The following MAPK10 variants were observed in gnomAD, a reference collection of about 807,000 sequenced individuals.
The protein encoded by MAPK10 is JNK3 alpha protein kinase.
In MAPK10, 25 loss-of-function variants were observed where a neutral mutation model predicts 59.3. The ratio of observed to expected loss-of-function variants is 0.42; its 90% CI spans 0.31 to 0.59. The LOEUF is 0.59. MAPK10 is among the 20% of genes least tolerant of loss of function. MAPK10 has a pLI of 0.15. For missense variants in MAPK10, 351 were observed against 568.9 expected, an observed-to-expected ratio of 0.62 and a Z score of 3.90; for synonymous variants, 190 against 200.5, an observed-to-expected ratio of 0.95 and a Z score of 0.44.
At chr4:86,165,966 T>C (rs200272340) in intron 3 of MAPK10, among the ~76,000 whole-genome samples, 2 of 152,184 alleles carry the variant, frequency 1.3e-5, no homozygotes, top group East Asian at 3.9e-4. Flanking sequence ...GATAATTATT[T>C]TCAATTATGT....
At chr4:86,576,092 A>G (rs1761867050) in intron 1 of MAPK10, among the ~76,000 whole-genome samples, 1 of 151,840 alleles carries the variant, frequency 6.6e-6, no homozygotes, top group Non-Finnish European at 1.5e-5. Context: ...CCTGGGCTTA[A>G]GTGATCTTCT....
intron 11 of MAPK10, among the ~76,000 whole-genome samples, chr4:86,050,740 T>C (rs1233587695): frequency 6.6e-6 from 1 of 152,126 alleles, no homozygotes; most frequent in Non-Finnish European, 1.5e-5. Flanking sequence ...TGTTCATGAT[T>C]AAACAGGAAT....
chr4:86,135,476 C>G (rs980415406), intron 4 of MAPK10, among the ~76,000 whole-genome samples: 2 of 152,118 alleles, frequency 1.3e-5, no homozygotes, highest in Non-Finnish European at 2.9e-5. Context: ...AGCTGAGGGT[C>G]CTGTCTGTTA....
At chr4:86,147,023 G>A (rs566294041) in intron 4 of MAPK10, among the ~76,000 whole-genome samples, 3 of 152,076 alleles carry the variant, frequency 2.0e-5, no homozygotes, top group South Asian at 4.2e-4. Context: ...ATTTATGAGC[G>A]ATCTTAGTAT....
Position 86,295,654 on chromosome 4 carries a change from C to T in MAPK10, c.-7+58876G>A, listed in dbSNP as rs139979395. On this transcript the variant is annotated intron_variant, in intron 2 of 13. Transcript: ENST00000641462. ...TACTATGATACAAAAGAAATAAAAACATGGTTCACAAAAATATGTTATAGC... is the reference window on the plus strand; with the variant it reads ...TACTATGATACAAAAGAAATAAAAATATGGTTCACAAAAATATGTTATAGC... Among the ~76,000 whole-genome samples the T allele has an allele frequency of 3.9e-3, 583 of 150,792 alleles. 5 individuals are homozygous for T. The highest frequency in any genetic ancestry group is 0.013 in the African/African-American group (547 of 41,206).
chr4:86,485,521 G>A (rs979680177), intron 1 of MAPK10, among the ~76,000 whole-genome samples: 1 of 152,146 alleles, frequency 6.6e-6, no homozygotes, highest in South Asian at 2.1e-4. Context: ...CAGATGAATT[G>A]TGAAAGAATG....
chr4:86,196,282 T>C (rs1240949718), intron 2 of MAPK10, among the ~76,000 whole-genome samples: 2 of 152,236 alleles, frequency 1.3e-5, no homozygotes, highest in African/African-American at 4.8e-5. Flanking sequence ...AGATGTTATC[T>C]TATTGCAGTT....
chr4:86,399,847 T>A (rs1743458003), intron 1 of MAPK10: 1 of 152,202 alleles, frequency 6.6e-6, no homozygotes, highest in Non-Finnish European at 1.5e-5. Context: ...AGTTAGTAAT[T>A]CTGCTTAGCA....
chr4:86,138,703 A>T (rs2062838740), intron 4 of MAPK10, among the ~76,000 whole-genome samples: 1 of 151,590 alleles, frequency 6.6e-6, no homozygotes, highest in South Asian at 2.1e-4. Context: ...AGGCAGGAGA[A>T]GGAAATAAAC....
In MAPK10 at chr4:86,107,250, G is replaced by C; in HGVS notation, c.339C>G (p.Val113=). The stretch of plus-strand genomic sequence containing the variant: ...TTTTATGGTTCACACACTTCATGAG[G>C]ACCAGCTCCCGGTACGCTCTCTTGG... ...THAKRAYREL[V]LMKCVNHKNI... Residue 113 remains valine (V), a synonymous_variant, in exon 5 of 14, where the codon GTC becomes GTG. Coordinates refer to ENST00000641462, the MANE Select transcript of MAPK10 (RefSeq NM_138982.4). The C allele has an allele frequency of 3.7e-6, 6 of 1,613,022 alleles. No homozygotes were observed. Among genetic ancestry groups the C allele is most frequent in the Non-Finnish European group, 5.1e-6 (6 of 1,179,350 alleles).
chr4:86,094,605 T>C (rs2149057965), intron 9 of MAPK10, among the ~76,000 whole-genome samples: 1 of 152,034 alleles, frequency 6.6e-6, no homozygotes, highest in African/African-American at 2.4e-5. Flanking sequence ...AGGAAAGGAC[T>C]CATGAAAATT....
chr4:86,215,090 A>G (rs2087079456), intron 2 of MAPK10, among the ~76,000 whole-genome samples: 1 of 152,276 alleles, frequency 6.6e-6, no homozygotes, highest in Admixed American at 6.5e-5. Flanking sequence ...TAGAATAGGA[A>G]CCCCAGAAAA....
chr4:86,440,683 T>G (rs1211098312), intron 1 of MAPK10, among the ~76,000 whole-genome samples: 1 of 151,614 alleles, frequency 6.6e-6, no homozygotes, highest in East Asian at 1.9e-4. Context: ...AAATAAAATA[T>G]AATAGAATAT....
At chr4:86,167,453 G>A (rs569579294) in intron 3 of MAPK10, among the ~76,000 whole-genome samples, 13 of 152,260 alleles carry the variant, frequency 8.5e-5, no homozygotes, top group African/African-American at 2.4e-4. Flanking sequence ...GATGAACATC[G>A]ATTCAAAGAT....
rs1026638844 is a variant in MAPK10, at chr4:86,397,149, G to A, written c.-121-42505C>T. Reference sequence around the variant, plus strand: ...AGAAGATGCTCTGGAAACAGATCAGGAAAGAAATATTTTTATTAAGCACAT... The same window carrying A: ...AGAAGATGCTCTGGAAACAGATCAGAAAAGAAATATTTTTATTAAGCACAT... On this transcript the variant is annotated intron_variant, in intron 1 of 13. Transcript: ENST00000361569. 5.1e-4 allele frequency among the ~76,000 whole-genome samples: 78 copies of A among 152,202 alleles called. 1 individual carries two copies. Among genetic ancestry groups the A allele is most frequent in the African/African-American group, 1.7e-3 (70 of 41,548 alleles).
At position 86,127,324 on chromosome 4, in the gene MAPK10, C is replaced by T. The variant is rs890264435; in HGVS notation, c.237-19972G>A. 1.3e-4 allele frequency among the ~76,000 whole-genome samples: 20 copies of T among 151,654 alleles called. 1 individual carries two copies. The highest frequency in any genetic ancestry group is 4.8e-4 in the African/African-American group (20 of 41,306). On this transcript the variant is annotated intron_variant, in intron 4 of 13. Coordinates refer to ENST00000641462, the MANE Select transcript of MAPK10 (RefSeq NM_138982.4). ...GTACAGTGTCTGGCATATAGTTAGC[C>T]TTAAATAAATAATTGTTACACAAGT... is the stretch of plus-strand genomic sequence containing the variant.
At chr4:86,441,025 T>C (rs1749351906) in intron 1 of MAPK10, among the ~76,000 whole-genome samples, 1 of 152,202 alleles carries the variant, frequency 6.6e-6, no homozygotes, top group Admixed American at 6.5e-5. Context: ...GGATGAATCA[T>C]CAAGAAAAAC....
At chr4:86,219,884 C>T (rs534937374) in intron 2 of MAPK10, 12 of 152,090 alleles carry the variant, frequency 7.9e-5, no homozygotes, top group Admixed American at 2.0e-4. Context: ...TATTGAAAAC[C>T]GTCTACAGAT....
chr4:86,436,032 T>C (rs1301159855), intron 1 of MAPK10, among the ~76,000 whole-genome samples: 4 of 152,220 alleles, frequency 2.6e-5, no homozygotes, highest in Admixed American at 6.5e-5. Context: ...ATACAGAAGC[T>C]GAAATCAACT....
Sources: gnomAD v4.1 joint callset for allele counts (sites outside exome capture counted in the v4.1 genomes callset) on GRCh38, gnomAD v4.1.1 for gene constraint, MANE v1.5 for transcripts, NCBI Gene and HGNC (gene_info 2026-07-23, HGNC 2026-07-21) for gene names.